The following ENTREP2 variants were observed in gnomAD, a reference collection of about 807,000 sequenced individuals.
ENTREP2 encodes endosomal transmembrane epsin interactor 2, also known as protein ENTREP2.
At chr15:29,228,041 C>T in the ENTREP2 span, among the ~76,000 whole-genome samples, 1 of 152,074 alleles carries the variant, frequency 6.6e-6, no homozygotes, top group Non-Finnish European at 1.5e-5. Context: ...CACAAAAGGA[C>T]AAACACTGTG....
chr15:29,207,128 C>G, the ENTREP2 span, among the ~76,000 whole-genome samples: 1 of 152,168 alleles, frequency 6.6e-6, no homozygotes, highest in Non-Finnish European at 1.5e-5. Flanking sequence ...GCATCAAGGA[C>G]TGGGCACCTT....
chr15:29,646,533 C>T, the ENTREP2 span, among the ~76,000 whole-genome samples: 1 of 152,154 alleles, frequency 6.6e-6, no homozygotes, highest in Non-Finnish European at 1.5e-5. Context: ...GGCTCTTTCT[C>T]CTTCTGCCTT....
chr15:29,398,270 AAT>A, the ENTREP2 span, among the ~76,000 whole-genome samples: 3 of 151,802 alleles, frequency 2.0e-5, no homozygotes, highest in Non-Finnish European at 4.4e-5. Flanking sequence ...TAGAAAACAG[AAT>A]TCAGCAGTAC....
chr15:29,282,320 C>T, the ENTREP2 span, among the ~76,000 whole-genome samples: 6 of 152,200 alleles, frequency 3.9e-5, no homozygotes, highest in South Asian at 2.1e-4. Context: ...CCATGTAAGA[C>T]GTGCCCTTTG....
At chr15:29,271,664 C>G in the ENTREP2 span, among the ~76,000 whole-genome samples, 1 of 152,196 alleles carries the variant, frequency 6.6e-6, no homozygotes, top group Non-Finnish European at 1.5e-5. Flanking sequence ...GCCCCTGTCA[C>G]ATACCGCCTG....
the ENTREP2 span, chr15:29,613,927 C>A: frequency 6.2e-6 from 1 of 161,940 alleles, no homozygotes; most frequent in East Asian, 1.8e-4. Flanking sequence ...GATGGCTGCC[C>A]CACCAGGACT....
chr15:29,315,357 C>T, the ENTREP2 span, among the ~76,000 whole-genome samples: 2 of 152,014 alleles, frequency 1.3e-5, no homozygotes, highest in Non-Finnish European at 2.9e-5. Flanking sequence ...CCCTCTTGGC[C>T]GATGAATTGA....
the ENTREP2 span, among the ~76,000 whole-genome samples, chr15:29,191,468 A>G: frequency 6.6e-6 from 1 of 152,088 alleles, no homozygotes; most frequent in Admixed American, 6.5e-5. Context: ...GGCTGCTGCA[A>G]TCTCAGGGAT....
the ENTREP2 span, among the ~76,000 whole-genome samples, chr15:29,656,022 TAAAAA>T: frequency 2.0e-5 from 2 of 100,398 alleles, no homozygotes; most frequent in African/African-American, 7.0e-5. Context: ...ACACTCCGTT[TAAAAA>T]AAAAAAAAAA....
chr15:29,440,589 C>T, the ENTREP2 span, among the ~76,000 whole-genome samples: 1 of 152,186 alleles, frequency 6.6e-6, no homozygotes, highest in African/African-American at 2.4e-5. Flanking sequence ...CAGTTTCCAA[C>T]GTTAGCTCAG....
the ENTREP2 span, among the ~76,000 whole-genome samples, chr15:29,519,047 AG>A: frequency 3.9e-5 from 6 of 152,310 alleles, no homozygotes; most frequent in Admixed American, 3.9e-4. Flanking sequence ...TCTCAGTAAA[AG>A]CACCAAGTCC....
the ENTREP2 span, among the ~76,000 whole-genome samples, chr15:29,332,907 C>T: frequency 0.013 from 1,917 of 145,702 alleles, 19 homozygotes; most frequent in Non-Finnish European, 0.019. Flanking sequence ...TGCAGTGAGC[C>T]GAGATGGCGC....
chr15:29,256,724 T>C, the ENTREP2 span, among the ~76,000 whole-genome samples: 2 of 152,214 alleles, frequency 1.3e-5, no homozygotes, highest in East Asian at 3.9e-4. Flanking sequence ...CTGAGTTTCA[T>C]TTCTAATTAC....
chr15:29,384,606 T>G, the ENTREP2 span, among the ~76,000 whole-genome samples: 1 of 152,126 alleles, frequency 6.6e-6, no homozygotes, highest in Middle Eastern at 3.2e-3. Context: ...CAGGCCACTC[T>G]GGGCACCTCC....
the ENTREP2 span, among the ~76,000 whole-genome samples, chr15:29,195,498 G>A: frequency 6.6e-6 from 1 of 152,062 alleles, no homozygotes; most frequent in South Asian, 2.1e-4. Flanking sequence ...GAGTTCCTTG[G>A]ACTGTGCCAC....
the ENTREP2 span, among the ~76,000 whole-genome samples, chr15:29,624,150 G>A: frequency 5.3e-5 from 8 of 152,146 alleles, no homozygotes; most frequent in Non-Finnish European, 1.2e-4. Context: ...CCACGTTTTC[G>A]TGCACTCTGT....
At chr15:29,224,749 C>T in the ENTREP2 span, among the ~76,000 whole-genome samples, 10 of 152,208 alleles carry the variant, frequency 6.6e-5, no homozygotes, top group African/African-American at 1.4e-4. Context: ...GATCCGGCAC[C>T]GGGCCGCAGG....
chr15:29,637,419 C>T, the ENTREP2 span, among the ~76,000 whole-genome samples: 1 of 152,170 alleles, frequency 6.6e-6, no homozygotes, highest in Non-Finnish European at 1.5e-5. Context: ...TCCCTAGACT[C>T]ATTTCTCAGA....
the ENTREP2 span, among the ~76,000 whole-genome samples, chr15:29,441,940 T>C: frequency 3.9e-5 from 6 of 152,172 alleles, no homozygotes; most frequent in Admixed American, 1.3e-4. Context: ...ACCACACCCA[T>C]GTGTCCACCC....
Sources: gnomAD v4.1 joint callset for allele counts (sites outside exome capture counted in the v4.1 genomes callset) on GRCh38, gnomAD v4.1.1 for gene constraint, MANE v1.5 for transcripts, NCBI Gene and HGNC (gene_info 2026-07-23, HGNC 2026-07-21) for gene names.